Variants in MFSD12 observed in about 807,000 individuals in gnomAD.
MFSD12 encodes the protein major facilitator superfamily domain containing 12, also known as major facilitator superfamily domain-containing protein 12.
Under a neutral mutation model 51.2 loss-of-function variants are expected in MFSD12, and 67 were observed. That is an observed-to-expected ratio of 1.31 (90% CI 1.08 to 1.60). MFSD12 has a LOEUF of 1.60. Ranked by LOEUF, MFSD12 falls within the 40% of genes most tolerant of loss-of-function variation. The pLI, the probability that MFSD12 is intolerant of heterozygous loss-of-function variation, is 0.00. For missense variants in MFSD12, 921 were observed against 673.0 expected, an observed-to-expected ratio of 1.37 and a Z score of -4.08; for synonymous variants, 441 against 316.7, an observed-to-expected ratio of 1.39 and a Z score of -4.17.
At chr19:3,540,405 G>C (rs923596989), downstream of MFSD12, among the ~76,000 whole-genome samples, 1 of 151,670 alleles carries the variant, frequency 6.6e-6, no homozygotes, top group Non-Finnish European at 1.5e-5. Flanking sequence ...TTACAGGCAT[G>C]CGCTACCATG....
downstream of MFSD12, chr19:3,543,610 G>A (rs550740012): frequency 5.6e-5 from 86 of 1,544,524 alleles, no homozygotes; most frequent in South Asian, 9.3e-4. Flanking sequence ...TCCCTGCCCA[G>A]TACCAGGCCC....
chr19:3,538,846 C>T, intron 4 of MFSD12: 1 of 569,970 alleles, frequency 1.8e-6, no homozygotes, highest in East Asian at 4.3e-5. Flanking sequence ...CCAGGCACTG[C>T]CTCCTGCGAT....
chr19:3,541,229 G>A (rs1035836414), downstream of MFSD12, among the ~76,000 whole-genome samples: 3 of 151,198 alleles, frequency 2.0e-5, no homozygotes, highest in African/African-American at 4.9e-5. Flanking sequence ...CCAGCTACTT[G>A]GGAGGCTGAG....
At chr19:3,546,458 C>T (rs1188226711) in intron 6 of MFSD12, 33 bp from the exon 7 acceptor site, 3 of 1,576,484 alleles carry the variant, frequency 1.9e-6, no homozygotes, top group African/African-American at 2.7e-5. Flanking sequence ...AGGCCCACAC[C>T]ACTGGGTGCC....
downstream of MFSD12, chr19:3,542,362 A>G (rs2030486953): frequency 1.0e-5 from 10 of 985,336 alleles, no homozygotes; most frequent in Non-Finnish European, 1.2e-5. Flanking sequence ...GGCAGATGAG[A>G]TTGTTTTGAA....
chr19:3,543,401 G>A, downstream of MFSD12: 1 of 1,548,232 alleles, frequency 6.5e-7, no homozygotes, highest in Non-Finnish European at 8.7e-7. Context: ...ACGGGCCCCG[G>A]CCAGCCCCTT....
downstream of MFSD12, among the ~76,000 whole-genome samples, chr19:3,540,310 C>G (rs115599586): frequency 6.6e-6 from 1 of 150,566 alleles, no homozygotes; most frequent in African/African-American, 2.5e-5. Flanking sequence ...AAGACTGGAA[C>G]GCAATGGTGC....
At position 3,547,887 on chromosome 19, in the gene MFSD12, C is replaced by T. The variant is rs372981844; in HGVS notation, c.798G>A (p.Leu266=). The change falls in exon 4 of 10, where the codon CTG becomes CTA. Residue 266 remains leucine, a synonymous_variant. Transcript: ENST00000355415. ...GCTCCCGGAGCCAGTGCTTCCAGAGCAGCAGGGGCTGGGCCGTGGCAGGGG... is the reference window on the plus strand; with the variant it reads ...GCTCCCGGAGCCAGTGCTTCCAGAGTAGCAGGGGCTGGGCCGTGGCAGGGG... ...LLAPATAQPL[L]LWKHWLREPA... 5.2e-5 allele frequency: 80 copies of T among 1,550,782 alleles called. No homozygotes were observed. The African/African-American group carries it at 1.0e-3, about 20-fold the overall frequency.
intron 2 of MFSD12, among the ~76,000 whole-genome samples, chr19:3,549,540 C>T (rs932288596): frequency 6.7e-5 from 10 of 148,898 alleles, no homozygotes; most frequent in East Asian, 2.0e-4. Flanking sequence ...CTGGCCAAGA[C>T]GGTGAAATCC....
At chr19:3,543,467 C>A, downstream of MFSD12, 1 of 1,532,930 alleles carries the variant, frequency 6.5e-7, no homozygotes, top group African/African-American at 1.4e-5. Context: ...GTGCAGCATG[C>A]CATCGGGTGA....
chr19:3,556,808 G>C (rs117267246), intron 1 of MFSD12, among the ~76,000 whole-genome samples: 1,624 of 132,702 alleles, frequency 0.012, 21 homozygotes, highest in Admixed American at 0.02. Context: ...AGGGGGCTGG[G>C]TGGTGGGACT....
chr19:3,540,135 C>G (rs1283269753), downstream of MFSD12: 1 of 147,964 alleles, frequency 6.8e-6, no homozygotes, highest in African/African-American at 2.5e-5. Context: ...ATACTGTTGC[C>G]CAGGCTAGGG....
downstream of MFSD12, chr19:3,539,348 C>T (rs2122063509): frequency 3.1e-6 from 2 of 644,036 alleles, no homozygotes; most frequent in East Asian, 8.2e-5. Context: ...GGTTTGGGGT[C>T]TTGCACGTGT....
chr19:3,538,792 G>T, intron 4 of MFSD12: 1 of 538,192 alleles, frequency 1.9e-6, no homozygotes, highest in East Asian at 5.2e-5. Context: ...GATGTGAGTG[G>T]GTGAGGAGTG....
downstream of MFSD12, chr19:3,544,033 C>T (rs1230763695): frequency 6.6e-7 from 1 of 1,515,754 alleles, no homozygotes; most frequent in African/African-American, 1.4e-5. Context: ...AGGATGCACC[C>T]ACTGTCTCTG....
chr19:3,547,477 G>A lies in MFSD12; in HGVS notation c.908C>T (p.Thr303Ile), dbSNP rs1179054768. ...CACCTTGGGCAGGTGGAGCGAGTAG[G>A]TGAGGTACATGGCCATGTAGGTCTG... ...LSQTYMAMYL[T>I]YSLHLPKKFI... The change falls in exon 5 of 10, where the codon ACC becomes ATC. Residue 303 changes from threonine (T) to isoleucine (I), a missense_variant. Transcript: ENST00000355415. 2 of 1,613,198 alleles carry A rather than the reference G, an allele frequency of 1.2e-6. No individual in the cohort carries two copies. Among genetic ancestry groups the A allele is most frequent in the Non-Finnish European group, 1.7e-6 (2 of 1,179,974 alleles).
intron 3 of MFSD12, 46 bp from the exon 4 acceptor site, chr19:3,548,076 G>A (rs371422456): frequency 3.6e-5 from 58 of 1,600,130 alleles, no homozygotes; most frequent in African/African-American, 2.9e-4. Flanking sequence ...CCCAGCCCCC[G>A]CCCCTGGCTC....
chr19:3,541,625 A>G (rs570753582), downstream of MFSD12: 1 of 984,180 alleles, frequency 1.0e-6, no homozygotes, highest in East Asian at 1.2e-4. Context: ...CCAGTGCAAG[A>G]CCCTATTTCT....
At chr19:3,543,111 C>T (rs7248491), downstream of MFSD12, 45,042 of 1,525,772 alleles carry the variant, frequency 0.03, 4,795 homozygotes, top group African/African-American at 0.35. Context: ...CTCCAAGTGG[C>T]GAGGGAGGGA....
Sources: gnomAD v4.1 joint callset for allele counts (sites outside exome capture counted in the v4.1 genomes callset) on GRCh38, gnomAD v4.1.1 for gene constraint, MANE v1.5 for transcripts, NCBI Gene and HGNC (gene_info 2026-07-23, HGNC 2026-07-21) for gene names.